The following NAA25 variants were observed in gnomAD, a reference collection of about 807,000 sequenced individuals.
The protein encoded by NAA25 is N-terminal acetyltransferase B complex subunit NAA25.
A neutral mutation model predicts 132.5 loss-of-function variants in NAA25; 30 were observed. The ratio of observed to expected loss-of-function variants is 0.23; its 90% CI spans 0.17 to 0.31. The LOEUF is 0.31. Among genes scored for constraint, NAA25 ranks in the 10% least tolerant of loss-of-function variants. The pLI, the probability that NAA25 is intolerant of heterozygous loss-of-function variation, is 1.00. For missense variants in NAA25, 771 were observed against 1,150.4 expected, an observed-to-expected ratio of 0.67 and a Z score of 4.77; for synonymous variants, 359 against 401.9, an observed-to-expected ratio of 0.89 and a Z score of 1.28.
chr12:112,100,987 C>A (rs2079287221), intron 1 of NAA25, among the ~76,000 whole-genome samples: 1 of 152,072 alleles, frequency 6.6e-6, no homozygotes, highest in Non-Finnish European at 1.5e-5. Flanking sequence ...CGCTGCCCAC[C>A]CCAGCCTCAT....
chr12:112,071,826 C>CGGTGGATGCCGA, intron 10 of NAA25, 69 bp downstream of exon 10: 1 of 1,247,882 alleles, frequency 8.0e-7, no homozygotes, highest in Non-Finnish European at 1.1e-6. Flanking sequence ...GTGTAGATCT[C>CGGTGGATGCCGA]AACTAATGAA....
intron 15 of NAA25, 98 bp downstream of exon 15, chr12:112,053,460 G>A: frequency 1.2e-6 from 1 of 868,800 alleles, no homozygotes; most frequent in Non-Finnish European, 1.9e-6. Context: ...TCAGCATGGT[G>A]CACCTTAACA....
At chr12:112,094,974 A>G (rs2079190650) in intron 1 of NAA25, among the ~76,000 whole-genome samples, 1 of 151,976 alleles carries the variant, frequency 6.6e-6, no homozygotes, top group African/African-American at 2.4e-5. Flanking sequence ...CAGCTGATAC[A>G]TTTCAAGTTT....
In NAA25 at chr12:112,036,319, A is replaced by G. The variant is rs73430449; in HGVS notation, c.2649+2910T>C. On this transcript the variant is annotated intron_variant, in intron 22 of 23. Coordinates refer to ENST00000261745, the MANE Select transcript of NAA25 (RefSeq NM_024953.4). ...GTATTCTAAGGACAAAAAGAATTGC[A>G]AAACATTTGAACTTTAATGAGTTTG... is the stretch of plus-strand genomic sequence containing the variant. Among the ~76,000 whole-genome samples, 1,255 of 152,340 alleles carry G rather than the reference A, an allele frequency of 8.2e-3. 22 individuals carry two copies. Among genetic ancestry groups the G allele is most frequent in the African/African-American group, 0.029 (1,189 of 41,584 alleles).
At chr12:112,041,174 AG>A (rs777457561) in intron 20 of NAA25, among the ~76,000 whole-genome samples, 19 of 150,482 alleles carry the variant, frequency 1.3e-4, no homozygotes, top group Non-Finnish European at 2.8e-4. Flanking sequence ...AAAATCATTT[AG>A]GGTCCTAAAA....
At chr12:112,042,726 C>T (rs1009209840) in intron 19 of NAA25, among the ~76,000 whole-genome samples, 19 of 152,278 alleles carry the variant, frequency 1.2e-4, no homozygotes, top group East Asian at 9.6e-4. Flanking sequence ...AGGCTGGTCT[C>T]GAACTCCTGA....
Position 112,073,273 on chromosome 12 carries a change from C to T in NAA25, c.867-1209G>A, listed in dbSNP as rs2078842383. ...ATTAAAAATTAAATACACACACACA[C>T]ACACACACACACATATATTTTTGAG... On this transcript the variant is annotated intron_variant, in intron 9 of 23. Transcript: ENST00000261745. Among the ~76,000 whole-genome samples, 4 of 151,822 alleles carry T rather than the reference C, an allele frequency of 2.6e-5. No homozygotes were observed. The South Asian group carries it at 6.2e-4, about 24-fold the overall frequency.
chr12:112,089,058 C>A (rs1282153655), intron 3 of NAA25, among the ~76,000 whole-genome samples: 1 of 152,056 alleles, frequency 6.6e-6, no homozygotes, highest in South Asian at 2.1e-4. Flanking sequence ...TCTGTAAATA[C>A]TCAGATATAA....
intron 7 of NAA25, among the ~76,000 whole-genome samples, chr12:112,077,735 C>A (rs963875844): frequency 1.3e-5 from 2 of 151,912 alleles, no homozygotes; most frequent in Non-Finnish European, 2.9e-5. Flanking sequence ...GGAATGTTTG[C>A]GGTATCTACA....
chr12:112,047,591 T>C, intron 17 of NAA25, 74 bp downstream of exon 17: 1 of 1,543,396 alleles, frequency 6.5e-7, no homozygotes, highest in African/African-American at 1.4e-5. Flanking sequence ...CAGTGAGCTA[T>C]GATCTTGGTC....
chr12:112,095,548 T>C (rs1257954868), intron 1 of NAA25, among the ~76,000 whole-genome samples: 3 of 150,862 alleles, frequency 2.0e-5, no homozygotes, highest in Non-Finnish European at 2.9e-5. Context: ...TGAGCTATGA[T>C]TGCACTACTG....
At chr12:112,078,127 A>C (rs750309201) in intron 7 of NAA25, 61 bp downstream of exon 7, 2 of 1,208,372 alleles carry the variant, frequency 1.7e-6, no homozygotes, top group Non-Finnish European at 2.4e-6. Context: ...TTTCTACAAT[A>C]AACATTTTTC....
At chr12:112,041,901 T>C (rs920960443) in intron 20 of NAA25, 138 bp downstream of exon 20, 2 of 551,560 alleles carry the variant, frequency 3.6e-6, no homozygotes, top group Admixed American at 8.5e-5. Context: ...TTAGGTGGCA[T>C]CTAGGAGTAT....
intron 5 of NAA25, among the ~76,000 whole-genome samples, chr12:112,080,236 G>A (rs1183422633): frequency 7.1e-6 from 1 of 141,576 alleles, no homozygotes; most frequent in Non-Finnish European, 1.5e-5. Flanking sequence ...AGCTGAGATC[G>A]CGTCACTGCA....
At position 112,029,641 on chromosome 12, in the gene NAA25, A is replaced by T. The variant is rs753553537; in HGVS notation, c.2809T>A (p.Phe937Ile). The T allele has an allele frequency of 7.2e-5, 116 of 1,612,848 alleles. No homozygotes were observed. The highest frequency in any genetic ancestry group is 9.5e-5 in the Non-Finnish European group (112 of 1,179,742). ...DTSLSPEERK[F>I]SKTVQGKVQS... The stretch of plus-strand genomic sequence containing the variant: ...ACCTTCCCTTGCACAGTCTTTGAAA[A>T]TTTTCTCTCTTCCTATAAAGGAGGA... Residue 937 changes from phenylalanine (F) to isoleucine (I), a missense_variant, in exon 24 of 24, where the codon TTT becomes ATT. Phe to Ile is a conservative substitution (Grantham distance 21). Around this residue, in one of 3 missense-constraint regions of NAA25, gnomAD observed 324 missense variants for 400.0 expected, o/e 0.81. Coordinates refer to ENST00000261745, the MANE Select transcript of NAA25 (RefSeq NM_024953.4).
At chr12:112,048,168 G>C in intron 16 of NAA25, 124 bp downstream of exon 16, 1 of 901,082 alleles carries the variant, frequency 1.1e-6, no homozygotes, top group African/African-American at 1.7e-5. Flanking sequence ...TTTCCCCACT[G>C]TCTCTCTCCC....
At chr12:112,104,792 C>G (rs369479091) in intron 1 of NAA25, among the ~76,000 whole-genome samples, 1 of 151,272 alleles carries the variant, frequency 6.6e-6, no homozygotes, top group Non-Finnish European at 1.5e-5. Context: ...GCGGAGATCA[C>G]GCCACTGCAC....
At chr12:112,041,024 T>C (rs1410333341) in intron 20 of NAA25, among the ~76,000 whole-genome samples, 1 of 151,886 alleles carries the variant, frequency 6.6e-6, no homozygotes, top group African/African-American at 2.4e-5. Context: ...GACAATAAAA[T>C]ATAAGACCGA....
chr12:112,070,422 C>T (rs960287886), intron 10 of NAA25, among the ~76,000 whole-genome samples: 2 of 152,112 alleles, frequency 1.3e-5, no homozygotes, highest in Non-Finnish European at 2.9e-5. Context: ...TTGCTAATTC[C>T]ACCAAATATT....
Sources: allele counts gnomAD v4.1 joint callset (sites outside exome capture counted in the v4.1 genomes callset), GRCh38; gene constraint gnomAD v4.1.1; regional missense constraint gnomAD v4.1.1; transcripts MANE v1.5; gene names NCBI Gene and HGNC (gene_info 2026-07-23, HGNC 2026-07-21).